The following ITFG1 variants were observed in gnomAD, a reference collection of about 807,000 sequenced individuals.
ITFG1 encodes integrin alpha FG-GAP repeat containing 1.
A neutral mutation model predicts 81.8 loss-of-function variants in ITFG1; 34 were observed. The ratio of observed to expected loss-of-function variants is 0.42; its 90% CI spans 0.32 to 0.55. The LOEUF (loss-of-function observed/expected upper bound fraction) is 0.55. ITFG1 is among the 20% of genes least tolerant of loss of function. The pLI, the probability that ITFG1 is intolerant of heterozygous loss-of-function variation, is 0.17. For synonymous variants in ITFG1, 285 were observed against 270.6 expected, an observed-to-expected ratio of 1.05 and a Z score of -0.52; for missense variants, 672 against 755.4, an observed-to-expected ratio of 0.89 and a Z score of 1.29.
intron 13 of ITFG1, among the ~76,000 whole-genome samples, chr16:47,221,888 A>T (rs1477761277): frequency 1.3e-5 from 2 of 152,078 alleles, no homozygotes. Flanking sequence ...GTTTGTAGTA[A>T]TCTCTGATGG....
At chr16:47,424,404 ATTAACGATCT>A (rs975069038) in intron 6 of ITFG1, among the ~76,000 whole-genome samples, 2 of 152,034 alleles carry the variant, frequency 1.3e-5, no homozygotes, top group African/African-American at 4.8e-5. Context: ...GAAGTTTGCT[ATTAACGATCT>A]TCTGAAGCCT....
chr16:47,444,255 A>G (rs1408525185), intron 5 of ITFG1, among the ~76,000 whole-genome samples: 1 of 152,234 alleles, frequency 6.6e-6, no homozygotes, highest in Non-Finnish European at 1.5e-5. Context: ...TTATAAAAAT[A>G]AGATTGTAAA....
At chr16:47,160,132 G>A (rs1272288476) in intron 16 of ITFG1, among the ~76,000 whole-genome samples, 1 of 149,534 alleles carries the variant, frequency 6.7e-6, no homozygotes, top group Non-Finnish European at 1.5e-5. Context: ...AGATGTTTTT[G>A]GTAGTTCTAC....
chr16:47,300,785 C>T (rs183828743), intron 10 of ITFG1, among the ~76,000 whole-genome samples: 111 of 152,284 alleles, frequency 7.3e-4, no homozygotes, highest in Non-Finnish European at 1.4e-3. Flanking sequence ...GTAGCGAGTA[C>T]CGAATTTCAG....
At chr16:47,252,081 C>A (rs1239212464) in intron 12 of ITFG1, among the ~76,000 whole-genome samples, 1 of 152,058 alleles carries the variant, frequency 6.6e-6, no homozygotes, top group Non-Finnish European at 1.5e-5. Flanking sequence ...ATATATTAAC[C>A]TAAGTACAAT....
At chr16:47,219,378 C>T (rs961820899) in intron 13 of ITFG1, among the ~76,000 whole-genome samples, 1 of 152,116 alleles carries the variant, frequency 6.6e-6, no homozygotes. Context: ...ATTAGTTCCA[C>T]CACATTTAAA....
intron 6 of ITFG1, among the ~76,000 whole-genome samples, chr16:47,419,601 CTTTTTTTT>C (rs34405979): frequency 4.9e-5 from 4 of 81,984 alleles, no homozygotes; most frequent in Admixed American, 1.5e-4. Flanking sequence ...TACTTCAGGT[CTTTTTTTT>C]TTTTTTTTTT....
intron 8 of ITFG1, among the ~76,000 whole-genome samples, chr16:47,333,800 C>G (rs1365408094): frequency 3.9e-5 from 6 of 152,164 alleles, no homozygotes; most frequent in Admixed American, 1.3e-4. Context: ...TTACCTTGCT[C>G]TTCAAGCAGG....
intron 8 of ITFG1, among the ~76,000 whole-genome samples, chr16:47,349,817 A>T (rs1967922629): frequency 6.6e-6 from 1 of 152,084 alleles, no homozygotes; most frequent in Non-Finnish European, 1.5e-5. Flanking sequence ...GAAGTAAAGC[A>T]CTCCTCAGCA....
At chr16:47,345,695 A>T (rs924857133) in intron 8 of ITFG1, among the ~76,000 whole-genome samples, 1 of 152,228 alleles carries the variant, frequency 6.6e-6, no homozygotes, top group African/African-American at 2.4e-5. Context: ...AGGTTGGACA[A>T]GGTTGCTGTA....
At chr16:47,400,888 T>C (rs969541357) in intron 6 of ITFG1, among the ~76,000 whole-genome samples, 1 of 152,102 alleles carries the variant, frequency 6.6e-6, no homozygotes, top group Non-Finnish European at 1.5e-5. Context: ...ACAAAAAGCA[T>C]GCGATTCTTT....
Position 47,321,624 on chromosome 16 carries a change from G to A in ITFG1, c.803-7801C>T, listed in dbSNP as rs868042100. Among the ~76,000 whole-genome samples, 6 of 152,272 alleles carry A rather than the reference G, an allele frequency of 3.9e-5. No homozygotes were observed. The Middle Eastern group carries it at 0.01, about 259-fold the overall frequency. On this transcript the variant is annotated intron_variant, in intron 8 of 17. Transcript: ENST00000320640. ...GGACTACTTGACCCCAGGAGTTGGA[G>A]GCTGCAGAGTACTATGACTGTGCCT...
intron 5 of ITFG1, 111 bp downstream of exon 5, chr16:47,451,285 C>T (rs1969385335): frequency 1.6e-6 from 1 of 611,812 alleles, no homozygotes; most frequent in South Asian, 2.3e-5. Context: ...AACCAAATGC[C>T]CACTTAAAAA....
chr16:47,375,991 T>A, intron 6 of ITFG1, 51 bp from the exon 7 acceptor site: 1 of 1,093,668 alleles, frequency 9.1e-7, no homozygotes, highest in Non-Finnish European at 1.4e-6. Flanking sequence ...TACTGATGTG[T>A]ACATTTAAAA....
chr16:47,458,211 G>T (rs573287161), intron 2 of ITFG1, among the ~76,000 whole-genome samples: 1 of 152,236 alleles, frequency 6.6e-6, no homozygotes, highest in East Asian at 1.9e-4. Flanking sequence ...GTATCTGAAG[G>T]CTCCCAGTCT....
intron 14 of ITFG1, among the ~76,000 whole-genome samples, chr16:47,198,600 G>A (rs1341519003): frequency 4.6e-5 from 7 of 152,150 alleles, no homozygotes; most frequent in Admixed American, 6.5e-5. Flanking sequence ...CTGTAAAACA[G>A]CCTCAGGTAG....
chr16:47,317,876 G>A (rs774032360), intron 8 of ITFG1: 3 of 152,160 alleles, frequency 2.0e-5, no homozygotes, highest in Non-Finnish European at 4.4e-5. Flanking sequence ...CCAGCCTCTT[G>A]GGACTCCAGG....
intron 14 of ITFG1, among the ~76,000 whole-genome samples, chr16:47,172,636 C>T (rs1267581405): frequency 3.9e-5 from 6 of 152,072 alleles, no homozygotes; most frequent in African/African-American, 9.7e-5. Context: ...TTTTCTTATA[C>T]CCTATATTCA....
At chr16:47,329,876 G>C (rs1310241893) in intron 8 of ITFG1, among the ~76,000 whole-genome samples, 1 of 152,030 alleles carries the variant, frequency 6.6e-6, no homozygotes, top group Non-Finnish European at 1.5e-5. Flanking sequence ...ATAGTTCTTG[G>C]CACATAAGAG....
Sources: allele counts gnomAD v4.1 joint callset (sites outside exome capture counted in the v4.1 genomes callset), GRCh38; gene constraint gnomAD v4.1.1; transcripts MANE v1.5; gene names NCBI Gene and HGNC (gene_info 2026-07-23, HGNC 2026-07-21).